The following PUS7L variants were observed in gnomAD, a reference collection of about 807,000 sequenced individuals.
PUS7L encodes pseudouridylate synthase PUS7L.
PUS7L carries 49 observed loss-of-function variants against 51.1 expected under a neutral mutation model. That is an observed-to-expected ratio of 0.96 (90% CI 0.76 to 1.22). PUS7L has a LOEUF of 1.22. Among genes scored for constraint, PUS7L ranks in the 50% most tolerant of loss-of-function variants. The pLI is 0.00. For synonymous variants in PUS7L, 277 were observed against 276.2 expected (o/e 1.00, Z -0.03); for missense variants, 828 against 820.6 (o/e 1.01, Z -0.11).
At chr12:43,747,074 C>A (rs1379938550) in intron 3 of PUS7L, among the ~76,000 whole-genome samples, 1 of 152,130 alleles carries the variant, frequency 6.6e-6, no homozygotes, top group Non-Finnish European at 1.5e-5. Context: ...TCTACTTGCA[C>A]ATAGTGGATA....
chr12:43,735,990 G>A (rs1944679473), intron 7 of PUS7L, among the ~76,000 whole-genome samples: 1 of 151,998 alleles, frequency 6.6e-6, no homozygotes, highest in Admixed American at 6.6e-5. Context: ...TGGTCAGGCT[G>A]GTCTCAAACT....
At position 43,721,526 on chromosome 12, in the gene PUS7L, C is replaced by T. The variant is rs61933166; in HGVS notation, c.*8850G>A. On this transcript the variant is annotated 3_prime_UTR_variant, in exon 9 of 9. Transcript: ENST00000344862. The stretch of plus-strand genomic sequence containing the variant: ...TTTGCTAAGGTATATTTGCAGTATT[C>T]ACTCAGCATTTTTAACCCTGTTATA... 3.3e-5 allele frequency: 5 copies of T among 152,132 alleles called. No individual in the cohort carries two copies. Among genetic ancestry groups the T allele is most frequent in the Non-Finnish European group, 7.4e-5 (5 of 68,008 alleles). 9.4% of individuals were successfully genotyped at this position (152,132 alleles called of 1,614,324 possible).
chr12:43,753,997 A>T (rs1167662560), intron 2 of PUS7L, among the ~76,000 whole-genome samples: 1 of 152,164 alleles, frequency 6.6e-6, no homozygotes, highest in Non-Finnish European at 1.5e-5. Flanking sequence ...ATGACTTCCA[A>T]AATATGAAAT....
Position 43,729,675 on chromosome 12 carries a change from G to C in PUS7L, c.*701C>G, listed in dbSNP as rs1291184981. On this transcript the variant is annotated 3_prime_UTR_variant, in exon 9 of 9. Transcript: ENST00000344862. ...ACAACATACTCAAAATCACTAGTAA[G>C]TGTCAGAGCTAGAATCTAAGAATGA... 1 of 153,350 alleles carries C rather than the reference G, an allele frequency of 6.5e-6. No individual in the cohort carries two copies. The highest frequency in any genetic ancestry group is 1.5e-5 in the Non-Finnish European group (1 of 68,880). The allele number at this position is 153,350 out of a possible 1,614,324, so 9.5% of individuals were successfully genotyped here.
chr12:43,720,458 AGAGT>A lies in PUS7L; in HGVS notation c.*9914_*9917del, dbSNP rs1487906865. On this transcript the variant is annotated 3_prime_UTR_variant, in exon 9 of 9. Coordinates refer to ENST00000344862, the MANE Select transcript of PUS7L (RefSeq NM_031292.5). ...AAGATCGTGCCACTGCACGGGTGAT[AGAGT>A]GAGACTCCATCACAAAAAACAAAAA... The A allele has an allele frequency of 1.3e-5, 2 of 152,228 alleles. No homozygotes were observed. The highest frequency in any genetic ancestry group is 2.9e-5 in the Non-Finnish European group (2 of 68,038). 9.4% of individuals were successfully genotyped at this position (152,228 alleles called of 1,614,324 possible).
chr12:43,757,428 C>T (rs769104972), intron 1 of PUS7L, among the ~76,000 whole-genome samples: 2 of 152,228 alleles, frequency 1.3e-5, no homozygotes, highest in Non-Finnish European at 2.9e-5. Context: ...GCCTCGGCCT[C>T]CCAAAGTGCT....
chr12:43,752,599 C>T (rs897381346), intron 2 of PUS7L, among the ~76,000 whole-genome samples: 13 of 152,134 alleles, frequency 8.5e-5, no homozygotes, highest in Admixed American at 2.0e-4. Flanking sequence ...AGATGAATCT[C>T]GACAACATAC....
chr12:43,738,221 G>A, intron 6 of PUS7L, 89 bp downstream of exon 6: 1 of 760,560 alleles, frequency 1.3e-6, no homozygotes, highest in Non-Finnish European at 2.4e-6. Context: ...TCACATTTAT[G>A]TTACAATAAA....
At position 43,730,369 on chromosome 12, in the gene PUS7L, A is replaced by G; in HGVS notation, c.*7T>C. 6.2e-7 allele frequency: 1 copy of G among 1,606,926 alleles called. No homozygotes were observed. The highest frequency in any genetic ancestry group is 1.7e-5 in the Admixed American group (1 of 59,840). ...ACATATATATGGTTATACCAAGGGTATCAGTTTTAAACGTCATGCTTCATT... is the reference window on the plus strand; with the variant it reads ...ACATATATATGGTTATACCAAGGGTGTCAGTTTTAAACGTCATGCTTCATT... On this transcript the variant is annotated 3_prime_UTR_variant, in exon 9 of 9. Transcript: ENST00000344862.
At chr12:43,745,937 A>C (rs1237896045) in intron 4 of PUS7L, 109 bp downstream of exon 4, 4 of 553,018 alleles carry the variant, frequency 7.2e-6, no homozygotes, top group Non-Finnish European at 1.3e-5. Context: ...CACTTTTAAA[A>C]ATCCCATAAA....
chr12:43,734,617 G>A (rs1404688845), intron 7 of PUS7L, among the ~76,000 whole-genome samples: 1 of 152,018 alleles, frequency 6.6e-6, no homozygotes, highest in African/African-American at 2.4e-5. Flanking sequence ...TTGAAAAACC[G>A]GACCATGTTC....
rs1944447620 is a variant in PUS7L, at chr12:43,725,848, T to C, written c.*4528A>G. ...CTCAGGTATGTTTCCAATCTGCAAATAAGGGAAGATAATACCTCCACACAG... is the reference window on the plus strand; with the variant it reads ...CTCAGGTATGTTTCCAATCTGCAAACAAGGGAAGATAATACCTCCACACAG... On this transcript the variant is annotated 3_prime_UTR_variant, in exon 9 of 9. Transcript: ENST00000344862. The C allele has an allele frequency of 6.6e-6, 1 of 152,012 alleles. No individual in the cohort carries two copies. The highest frequency in any genetic ancestry group is 1.5e-5 in the Non-Finnish European group (1 of 68,010). 9.4% of individuals were successfully genotyped at this position (152,012 alleles called of 1,614,324 possible). A position where few individuals can be genotyped will look rare whatever the true frequency, so the allele number is the denominator to read the frequency against.
intron 7 of PUS7L, among the ~76,000 whole-genome samples, chr12:43,734,887 T>G (rs1944646427): frequency 6.6e-6 from 1 of 152,242 alleles, no homozygotes; most frequent in African/African-American, 2.4e-5. Context: ...TCACTAATTT[T>G]TAAAATTTAT....
At position 43,721,243 on chromosome 12, in the gene PUS7L, C is replaced by A. The variant is rs1046403431; in HGVS notation, c.*9133G>T. ...AAAGGGCCAGGTTAGACTCTCTTTA[C>A]AATCTAGAGGAAGCTACTTAACTTC... On this transcript the variant is annotated 3_prime_UTR_variant, in exon 9 of 9. Transcript: ENST00000344862. The A allele has an allele frequency of 1.3e-5, 2 of 152,138 alleles. No homozygotes were observed. Among genetic ancestry groups the A allele is most frequent in the Non-Finnish European group, 2.9e-5 (2 of 68,012 alleles). The allele number at this position is 152,138 out of a possible 1,614,324, so 9.4% of individuals were successfully genotyped here.
At chr12:43,735,512 A>C (rs1385294475) in intron 7 of PUS7L, among the ~76,000 whole-genome samples, 1 of 152,024 alleles carries the variant, frequency 6.6e-6, no homozygotes, top group African/African-American at 2.4e-5. Flanking sequence ...CTATAAAAGA[A>C]ATACACACAT....
chr12:43,748,941 C>T (rs1938309661), intron 2 of PUS7L, among the ~76,000 whole-genome samples: 1 of 152,156 alleles, frequency 6.6e-6, no homozygotes, highest in South Asian at 2.1e-4. Flanking sequence ...CCAGGATGGT[C>T]TCGATCTCTT....
At chr12:43,751,691 A>G in intron 2 of PUS7L, among the ~76,000 whole-genome samples, 1 of 152,154 alleles carries the variant, frequency 6.6e-6, no homozygotes. Context: ...AGCATGATTT[A>G]TAATCCTTTG....
chr12:43,739,902 C>T (rs972109885), intron 5 of PUS7L: 3 of 152,108 alleles, frequency 2.0e-5, no homozygotes, highest in East Asian at 1.9e-4. Flanking sequence ...GACAGACAAC[C>T]TAGAGTTCTG....
At chr12:43,746,729 T>TA (rs1242030856) in intron 3 of PUS7L, among the ~76,000 whole-genome samples, 1 of 152,226 alleles carries the variant, frequency 6.6e-6, no homozygotes, top group African/African-American at 2.4e-5. Context: ...TGTATGACCC[T>TA]ATAAGGGCTG....
Sources: allele counts gnomAD v4.1 joint callset (sites outside exome capture counted in the v4.1 genomes callset), GRCh38; gene constraint gnomAD v4.1.1; transcripts MANE v1.5; gene names NCBI Gene and HGNC (gene_info 2026-07-23, HGNC 2026-07-21).